The following KCNK13 variants were observed in gnomAD, a reference collection of about 807,000 sequenced individuals.
KCNK13 encodes potassium two pore domain channel subfamily K member 13, also known as potassium channel subfamily K member 13.
KCNK13 carries 12 observed loss-of-function variants against 23.4 expected under a neutral mutation model. That is an observed-to-expected ratio of 0.51 (90% confidence interval 0.33 to 0.83). The LOEUF (loss-of-function observed/expected upper bound fraction) is 0.83, where lower values mean the gene tolerates loss of function less well. Among genes scored for constraint, KCNK13 ranks in the 40% least tolerant of loss-of-function variants. The pLI, the probability that KCNK13 is intolerant of heterozygous loss-of-function variation, is 0.02. For synonymous variants in KCNK13, 231 were observed against 229.5 expected (o/e 1.01, Z -0.06); for missense variants, 463 against 556.3 (o/e 0.83, Z 1.69).
At chr14:90,154,717 A>G (rs1596802173) in intron 1 of KCNK13, among the ~76,000 whole-genome samples, 1 of 152,368 alleles carries the variant, frequency 6.6e-6, no homozygotes, top group African/African-American at 2.4e-5. Context: ...CTTGTAGGTT[A>G]AGGACATTTG....
chr14:90,107,747 T>C (rs1889563876), intron 1 of KCNK13: 1 of 804,714 alleles, frequency 1.2e-6, no homozygotes, highest in African/African-American at 1.7e-5. Context: ...CACCTTCCCA[T>C]TCTGCAGGAG....
intron 1 of KCNK13, among the ~76,000 whole-genome samples, chr14:90,176,443 T>C (rs1890422701): frequency 1.3e-5 from 2 of 152,024 alleles, no homozygotes; most frequent in African/African-American, 4.8e-5. Flanking sequence ...CCCTCAAGAA[T>C]AATCCACAGG....
At chr14:90,093,469 G>C (rs770425290) in intron 1 of KCNK13, among the ~76,000 whole-genome samples, 7 of 152,146 alleles carry the variant, frequency 4.6e-5, no homozygotes, top group Non-Finnish European at 2.9e-5. Flanking sequence ...CTATTGCCCT[G>C]ATTTCTCTTT....
At chr14:90,084,910 G>A (rs1249952947) in intron 1 of KCNK13, among the ~76,000 whole-genome samples, 1 of 151,934 alleles carries the variant, frequency 6.6e-6, no homozygotes, top group Non-Finnish European at 1.5e-5. Flanking sequence ...TTTATATAAT[G>A]TTTTGCATTG....
chr14:90,109,216 T>C (rs979021157), intron 1 of KCNK13, among the ~76,000 whole-genome samples: 3 of 151,972 alleles, frequency 2.0e-5, no homozygotes, highest in Admixed American at 2.0e-4. Flanking sequence ...TTTGCCTCCT[T>C]CTAGACTTGT....
rs756527345 is a variant in KCNK13 at position 90,184,461 on chromosome 14, T to C, written c.685T>C (p.Tyr229His). The C allele has an allele frequency of 6.2e-7, 1 of 1,614,162 alleles. No individual in the cohort carries two copies. Residue 229 changes from tyrosine to histidine, a missense_variant, in exon 2 of 2, where the codon TAC becomes CAC. Tyr to His is a moderately conservative substitution (Grantham distance 83). Around this residue, in one of 3 missense-constraint regions of KCNK13, gnomAD observed 144 missense variants for 224.0 expected, o/e 0.64. Transcript: ENST00000282146. The surrounding 1 kb of genome is among the most constrained non-coding windows in gnomAD (Gnocchi z 5.6). ...IEGWSYFDSL[Y>H]FCFVAFSTIG... ...AGGCTGGAGCTACTTTGACTCACTC[T>C]ACTTCTGTTTTGTGGCTTTCAGCAC...
intron 1 of KCNK13, among the ~76,000 whole-genome samples, chr14:90,114,592 C>T (rs184313437): frequency 6.6e-6 from 1 of 152,270 alleles, no homozygotes; most frequent in East Asian, 1.9e-4. Context: ...CTCAGGACCA[C>T]GGAGGTCACC....
intron 1 of KCNK13, among the ~76,000 whole-genome samples, chr14:90,142,991 A>T (rs1196062412): frequency 6.6e-6 from 1 of 152,162 alleles, no homozygotes; most frequent in African/African-American, 2.4e-5. Flanking sequence ...AGGGCTAGTT[A>T]ATAAGGTTTG....
chr14:90,092,675 A>T (rs1461972228), intron 1 of KCNK13, among the ~76,000 whole-genome samples: 1 of 152,112 alleles, frequency 6.6e-6, no homozygotes, highest in Non-Finnish European at 1.5e-5. Flanking sequence ...CATGCCTATA[A>T]TCCCAACACT....
chr14:90,131,373 A>C (rs943669628), intron 1 of KCNK13, among the ~76,000 whole-genome samples: 17 of 152,166 alleles, frequency 1.1e-4, no homozygotes, highest in Non-Finnish European at 2.1e-4. Context: ...CTGGGACTAC[A>C]GGCACGTGCC....
chr14:90,182,011 C>G lies in KCNK13; in HGVS notation c.335-2100C>G, dbSNP rs147500860. On this transcript the variant is annotated intron_variant, in intron 1 of 1. Transcript: ENST00000282146. ...AGGGACTTTGATTTTGAAGAGTTCCCAGAGAAGAGATGATGGTCTGATTTT... is the reference window on the plus strand; with the variant it reads ...AGGGACTTTGATTTTGAAGAGTTCCGAGAGAAGAGATGATGGTCTGATTTT... 4.6e-3 allele frequency among the ~76,000 whole-genome samples: 706 copies of G among 152,236 alleles called. 10 individuals are homozygous for G. Among genetic ancestry groups the G allele is most frequent in the Non-Finnish European group, 2.9e-3 (200 of 68,020 alleles).
chr14:90,087,150 ATATATT>A (rs1390118426), intron 1 of KCNK13, among the ~76,000 whole-genome samples: 19 of 72,170 alleles, frequency 2.6e-4, no homozygotes, highest in East Asian at 9.4e-4. Context: ...ATATATATAT[ATATATT>A]TTTTTTTTTT....
chr14:90,107,479 A>G (rs1381864372), intron 1 of KCNK13, among the ~76,000 whole-genome samples: 3 of 152,210 alleles, frequency 2.0e-5, no homozygotes, highest in African/African-American at 7.2e-5. Flanking sequence ...CTCCGTCTCA[A>G]AAAAATATAT....
intron 1 of KCNK13, among the ~76,000 whole-genome samples, chr14:90,131,484 C>T (rs1279114338): frequency 6.6e-6 from 1 of 152,132 alleles, no homozygotes; most frequent in Non-Finnish European, 1.5e-5. Context: ...CCTGCCTCAG[C>T]CTCCCAAAGT....
chr14:90,083,285 G>T (rs1889234523), intron 1 of KCNK13, among the ~76,000 whole-genome samples: 1 of 152,214 alleles, frequency 6.6e-6, no homozygotes, highest in Admixed American at 6.5e-5. Flanking sequence ...TTATTGGATA[G>T]AGTTCTATTT....
intron 1 of KCNK13, among the ~76,000 whole-genome samples, chr14:90,074,318 T>C (rs936284720): frequency 2.0e-5 from 3 of 152,262 alleles, no homozygotes; most frequent in African/African-American, 7.2e-5. Context: ...GATATATTTA[T>C]ATGTCTAAAA....
chr14:90,123,016 A>G (rs953305239), intron 1 of KCNK13, among the ~76,000 whole-genome samples: 7 of 152,206 alleles, frequency 4.6e-5, no homozygotes, highest in Non-Finnish European at 8.8e-5. Flanking sequence ...AGTTAGTGGC[A>G]GAGCTGGGAC....
rs766729295 is a variant in KCNK13, at chr14:90,062,292, C to T, written c.87C>T (p.Leu29=). 3 of 1,565,348 alleles carry T rather than the reference C, an allele frequency of 1.9e-6. No individual in the cohort carries two copies. Among genetic ancestry groups the T allele is most frequent in the South Asian group, 2.3e-5 (2 of 86,220 alleles). Residue 29 remains leucine (L), a synonymous_variant, in exon 1 of 2, where the codon CTC becomes CTT. Coordinates refer to ENST00000282146, the MANE Select transcript of KCNK13 (RefSeq NM_022054.4). This position sits in a 1 kb window ranked among gnomAD's most constrained non-coding sequence, Gnocchi z 4.5. Reference sequence around the variant, plus strand: ...TGCTGCTGGCCGCGCTCATCGTGCTCTACCTGCTGGGCGGCGCCGCCGTCT... The same window carrying T: ...TGCTGCTGGCCGCGCTCATCGTGCTTTACCTGCTGGGCGGCGCCGCCGTCT... ...RFLLLAALIV[L]YLLGGAAVFS... is the part of the protein sequence containing the mutation.
intron 1 of KCNK13, among the ~76,000 whole-genome samples, chr14:90,162,282 A>T (rs1374223755): frequency 6.6e-6 from 1 of 152,226 alleles, no homozygotes; most frequent in Admixed American, 6.5e-5. Context: ...TAAAATCCAG[A>T]AACAGATGTA....
Sources: gnomAD v4.1 joint callset for allele counts (sites outside exome capture counted in the v4.1 genomes callset) on GRCh38, gnomAD v4.1.1 for gene constraint, gnomAD v4.1.1 regional missense constraint, Gnocchi (gnomAD v3.1) non-coding constraint, MANE v1.5 for transcripts, NCBI Gene and HGNC (gene_info 2026-07-23, HGNC 2026-07-21) for gene names.